Variants in DLL3 observed in about 807,000 individuals in gnomAD.
DLL3 encodes the protein delta like canonical Notch ligand 3, also known as delta-like protein 3.
Under a neutral mutation model 55.0 loss-of-function variants are expected in DLL3, and 49 were observed. That is an observed-to-expected ratio of 0.89 (90% confidence interval 0.71 to 1.13). DLL3 has a LOEUF of 1.13. Ranked by LOEUF, DLL3 falls within the 50% of genes most tolerant of loss-of-function variation. The pLI is 0.00. For synonymous variants in DLL3, 421 were observed against 385.2 expected, an observed-to-expected ratio of 1.09 and a Z score of -1.09; for missense variants, 962 against 875.5, an observed-to-expected ratio of 1.10 and a Z score of -1.25.
Position 39,499,294 on chromosome 19 carries a change from C to T in DLL3, c.172C>T (p.Leu58Phe). Residue 58 changes from leucine to phenylalanine, a missense_variant, in exon 2 of 9, where the codon CTC becomes TTC. Transcript: ENST00000356433. ...SPCSARLPCR[L>F]FFRVCLKPGL... ...CTGCAGCGCCCGGCTCCCCTGCCGC[C>T]TCTTCTTCAGAGTCTGCCTGAAGCC... The T allele has an allele frequency of 6.5e-7, 1 of 1,543,062 alleles. No individual in the cohort carries two copies. The highest frequency in any genetic ancestry group is 8.7e-7 in the Non-Finnish European group (1 of 1,148,498).
At position 39,499,237 on chromosome 19, in the gene DLL3, C is replaced by A. The variant is rs1247222471; in HGVS notation, c.115C>A (p.Pro39Thr). 1 of 1,550,058 alleles carries A rather than the reference C, an allele frequency of 6.5e-7. No homozygotes were observed. The highest frequency in any genetic ancestry group is 8.7e-7 in the Non-Finnish European group (1 of 1,152,764). ...CGAGCTGCAGATCCACTCTTTCGGG[C>A]CGGGTCCAGGCCCTGGGGCCCCGCG... Reference protein sequence around the residue: ...VFELQIHSFGPGPGPGAPRSP... With the variant: ...VFELQIHSFGTGPGPGAPRSP... Residue 39 changes from proline to threonine, a missense_variant, in exon 2 of 9, where the codon CCG (proline) becomes ACG (threonine). By Grantham distance (38) the Pro-to-Thr change is conservative. Transcript: ENST00000356433.
At chr19:39,505,757 G>A in intron 6 of DLL3, 1 of 397,754 alleles carries the variant, frequency 2.5e-6, no homozygotes, top group South Asian at 2.6e-5. Context: ...GATAAGCAGG[G>A]AAGCCAGTGT....
In DLL3 at chr19:39,507,351, A is replaced by C; in HGVS notation, c.1406A>C (p.His469Pro). 1 of 1,569,798 alleles carries C rather than the reference A, an allele frequency of 6.4e-7. No homozygotes were observed. Among genetic ancestry groups the C allele is most frequent in the Non-Finnish European group, 8.6e-7 (1 of 1,164,628 alleles). ...GGAGCGCGGTGTGAGTTCCCAGTGC[A>C]CCCCGACGGCGCAAGCGCCTTGCCC... ...YMGARCEFPVHPDGASALPAA... is the reference protein window; with the variant it reads ...YMGARCEFPVPPDGASALPAA... Residue 469 changes from histidine to proline, a missense_variant, in exon 7 of 9, where the codon CAC (histidine) becomes CCC (proline). By Grantham distance (77) the His-to-Pro change is moderately conservative (BLOSUM62 -2). Transcript: ENST00000356433.
intron 3 of DLL3, among the ~76,000 whole-genome samples, chr19:39,502,165 C>T (rs1040463717): frequency 6.6e-6 from 1 of 151,294 alleles, no homozygotes; most frequent in Non-Finnish European, 1.5e-5. Flanking sequence ...CCAGCCTGGG[C>T]GACAGAGTGA....
chr19:39,502,917 G>T lies in DLL3; in HGVS notation c.512G>T (p.Arg171Leu). The T allele has an allele frequency of 2.1e-6, 3 of 1,447,782 alleles. No homozygotes were observed. Among genetic ancestry groups the T allele is most frequent in the South Asian group, 2.7e-5 (2 of 74,036 alleles). The allele number at this position is 1,447,782 out of a possible 1,614,324, so 89.7% of individuals were successfully genotyped here. Residue 171 changes from arginine (R) to leucine (L), a missense_variant, in exon 4 of 9, where the codon CGC becomes CTC. Physicochemically the swap from Arg to Leu is moderately radical, Grantham distance 102 (BLOSUM62 -2). Transcript: ENST00000356433. ...CAGCGCGCAGGCGCCTGGGAGCTGC[G>T]CTTCTCGTACCGCGCGCGCTGCGAG... ...DIQRAGAWEL[R>L]FSYRARCEPP...
At chr19:39,507,705 C>T (rs2079652923) in intron 7 of DLL3, 87 bp downstream of exon 7, 7 of 1,591,276 alleles carry the variant, frequency 4.4e-6, no homozygotes, top group Non-Finnish European at 6.0e-6. Context: ...TTCCTTGATG[C>T]ATTTCCCTGG....
Position 39,507,295 on chromosome 19 carries a change from C to T in DLL3, c.1350C>T (p.Gly450=), listed in dbSNP as rs545167839. The change falls in exon 7 of 9, where the codon GGC becomes GGT. Residue 450 remains glycine (G), a synonymous_variant. Coordinates refer to ENST00000356433, the MANE Select transcript of DLL3 (RefSeq NM_203486.3). ...GCCGCTGCTACGCCCACTTCTCCGGCCTCGTCTGCGCTTGCGCTCCCGGCT... is the reference window on the plus strand; with the variant it reads ...GCCGCTGCTACGCCCACTTCTCCGGTCTCGTCTGCGCTTGCGCTCCCGGCT... ...HGGRCYAHFS[G]LVCACAPGYM... The T allele has an allele frequency of 2.6e-6, 4 of 1,549,776 alleles. 1 individual carries two copies. The highest frequency in any genetic ancestry group is 3.8e-5 in the Admixed American group (2 of 53,042).
chr19:39,503,223 C>T (rs1281062504), intron 4 of DLL3, among the ~76,000 whole-genome samples, 166 bp downstream of exon 4: 1 of 152,196 alleles, frequency 6.6e-6, no homozygotes, highest in Non-Finnish European at 1.5e-5. Flanking sequence ...AGCTGGGGAA[C>T]GCGCTGACTG....
At chr19:39,500,740 T>A in intron 3 of DLL3, 68 bp downstream of exon 3, 1 of 1,367,484 alleles carries the variant, frequency 7.3e-7, no homozygotes, top group Non-Finnish European at 1.0e-6. Flanking sequence ...TTGGTGGTGT[T>A]ATCTATAGGT....
At chr19:39,507,797 G>A in intron 7 of DLL3, 33 bp from the exon 8 acceptor site, 1 of 1,613,748 alleles carries the variant, frequency 6.2e-7, no homozygotes, top group Middle Eastern at 1.7e-4. Flanking sequence ...AATTTAAAGA[G>A]TCTGAGTTTT....
intron 5 of DLL3, 129 bp downstream of exon 5, chr19:39,504,417 T>C: frequency 9.5e-7 from 1 of 1,048,816 alleles, no homozygotes. Flanking sequence ...GAGGTCTTCC[T>C]GGAGGCATCC....
intron 4 of DLL3, 68 bp downstream of exon 4, chr19:39,503,125 G>T: frequency 1.4e-6 from 2 of 1,469,128 alleles, no homozygotes; most frequent in African/African-American, 1.4e-5. Context: ...CGTCACTCGC[G>T]GCCCCCAGTC....
At position 39,504,269 on chromosome 19, in the gene DLL3, C is replaced by A; in HGVS notation, c.851C>A (p.Ala284Asp). Reference sequence around the variant, plus strand: ...GGGCCCTGTGACGGGAACCCGTGTGCCAATGGAGGCAGCTGTAGTGTCAGT... The same window carrying A: ...GGGCCCTGTGACGGGAACCCGTGTGACAATGGAGGCAGCTGTAGTGTCAGT... The part of the protein sequence containing the change: ...GPGPCDGNPC[A>D]NGGSCSETPR... The change falls in exon 5 of 9, where the codon GCC becomes GAC. Residue 284 changes from alanine (A) to aspartate (D), a missense_variant. Physicochemically the swap from Ala to Asp is moderately radical, Grantham distance 126 (BLOSUM62 -2). Coordinates refer to ENST00000356433, the MANE Select transcript of DLL3 (RefSeq NM_203486.3). 1.2e-6 allele frequency: 2 copies of A among 1,612,752 alleles called. No homozygotes were observed. Among genetic ancestry groups the A allele is most frequent in the Non-Finnish European group, 8.5e-7 (1 of 1,180,036 alleles).
rs200364491 is a variant in DLL3, at chr19:39,504,022, C to T, written c.653-49C>T. ...CCTGCTTTCCATCTTGTCCCTGGCC[C>T]TCCCCGACGTTGGTGTTCCCTTTCT... is the stretch of plus-strand genomic sequence containing the variant. On this transcript the variant is annotated intron_variant, in intron 4 of 8. Transcript: ENST00000356433. The T allele has an allele frequency of 1.6e-4, 259 of 1,587,892 alleles. 1 individual carries two copies. The African/African-American group carries it at 2.6e-3, about 16-fold the overall frequency.
chr19:39,500,420 TCC>T (rs369324363), intron 2 of DLL3, among the ~76,000 whole-genome samples, 193 bp from the exon 3 acceptor site: 88 of 93,716 alleles, frequency 9.4e-4, no homozygotes, highest in East Asian at 5.2e-3. Flanking sequence ...AGTGAGATTC[TCC>T]CCCCCCCCCC....
intron 5 of DLL3, 148 bp downstream of exon 5, chr19:39,504,436 T>A: frequency 1.1e-6 from 1 of 894,454 alleles, no homozygotes; most frequent in Non-Finnish European, 1.7e-6. Context: ...CCAGCCGGCA[T>A]CTGGGGCCTT....
Position 39,499,484 on chromosome 19 carries a change from C to T in DLL3, c.351+11C>T, listed in dbSNP as rs1297958290. On this transcript the variant is annotated intron_variant, in intron 2 of 8. Coordinates refer to ENST00000356433, the MANE Select transcript of DLL3 (RefSeq NM_203486.3). ...CGGGACGCCTGGCCTGTAAGTGCTGCCCCCGGGGGACTCCCGGTGCTGGAG... is the reference window on the plus strand; with the variant it reads ...CGGGACGCCTGGCCTGTAAGTGCTGTCCCCGGGGGACTCCCGGTGCTGGAG... 2 of 1,583,560 alleles carry T rather than the reference C, an allele frequency of 1.3e-6. No homozygotes were observed. Among genetic ancestry groups the T allele is most frequent in the East Asian group, 2.3e-5 (1 of 44,210 alleles).
intron 5 of DLL3, among the ~76,000 whole-genome samples, chr19:39,504,902 C>G (rs927673432): frequency 6.6e-6 from 1 of 152,060 alleles, no homozygotes; most frequent in Non-Finnish European, 1.5e-5. Context: ...AGGAGGTGGG[C>G]TGAGATCTAG....
chr19:39,503,543 C>T (rs1278269355), intron 4 of DLL3, among the ~76,000 whole-genome samples: 1 of 152,186 alleles, frequency 6.6e-6, no homozygotes, highest in Non-Finnish European at 1.5e-5. Flanking sequence ...GGCCCTCCAT[C>T]CTCCCTCCCT....
Sources: allele counts gnomAD v4.1 joint callset (sites outside exome capture counted in the v4.1 genomes callset), GRCh38; gene constraint gnomAD v4.1.1; transcripts MANE v1.5; gene names NCBI Gene and HGNC (gene_info 2026-07-23, HGNC 2026-07-21).